PRDM10: variants seen among roughly 807,000 people sequenced by gnomAD.
The protein encoded by PRDM10 is PR/SET domain 10.
A neutral mutation model predicts 133.1 loss-of-function variants in PRDM10; 65 were observed. The ratio of observed to expected loss-of-function variants is 0.49; its 90% confidence interval spans 0.40 to 0.60. The LOEUF (loss-of-function observed/expected upper bound fraction) is 0.60. Among genes scored for constraint, PRDM10 ranks in the 20% least tolerant of loss-of-function variants. PRDM10 has a pLI of 0.00. For missense variants in PRDM10, 1,137 were observed against 1,507.1 expected, an observed-to-expected ratio of 0.75 and a Z score of 4.07; for synonymous variants, 582 against 580.4, an observed-to-expected ratio of 1.00 and a Z score of -0.04.
chr11:129,923,249 T>G lies in PRDM10; in HGVS notation c.2033A>C (p.Lys678Thr). Residue 678 changes from lysine to threonine, a missense_variant and splice_region_variant, in exon 13 of 21, where the codon AAG (lysine) becomes ACG (threonine). Coordinates refer to ENST00000360871, the MANE Select transcript of PRDM10 (RefSeq NM_199437.2). The surrounding 1 kb of genome is among the most constrained non-coding windows in gnomAD (Gnocchi z 4.4). ...TTGGGCTGTGCCTTGGTGTCATACCTTAAATTGCTTCCCACAGGTGGAACA... is the reference window on the plus strand; with the variant it reads ...TTGGGCTGTGCCTTGGTGTCATACCGTAAATTGCTTCCCACAGGTGGAACA... ...FLCSTCGKQF[K>T]RKDKLREHMQ... is the part of the protein sequence containing the mutation. 6.3e-7 allele frequency: 1 copy of G among 1,577,232 alleles called. No homozygotes were observed. The highest frequency in any genetic ancestry group is 8.6e-7 in the Non-Finnish European group (1 of 1,160,162).
rs1396995256 is a variant in PRDM10 at position 129,946,694 on chromosome 11, G to GCA, written c.520+450_520+451insTG. Reference sequence around the variant, plus strand: ...TAGGGCCATGGAGGGCATAAAGGAGGTAGTAGACTCAGGGCACTCACGCCT... The same window carrying GCA: ...TAGGGCCATGGAGGGCATAAAGGAGGCATAGTAGACTCAGGGCACTCACGCCT... On this transcript the variant is annotated intron_variant, in intron 5 of 20. Transcript: ENST00000360871. Among the ~76,000 whole-genome samples the GCA allele has an allele frequency of 1.8e-4, 27 of 152,310 alleles. No individual in the cohort carries two copies. In the East Asian group the frequency reaches 5.0e-3, roughly 28 times the overall value.
chr11:130,000,022 T>C (rs1338424285), intron 1 of PRDM10, among the ~76,000 whole-genome samples: 2 of 152,006 alleles, frequency 1.3e-5, no homozygotes, highest in Non-Finnish European at 2.9e-5. Context: ...TGGGTTTTGT[T>C]TTTTTTCACT....
At chr11:129,958,819 T>G (rs1329339455) in intron 2 of PRDM10, among the ~76,000 whole-genome samples, 2 of 152,200 alleles carry the variant, frequency 1.3e-5, no homozygotes, top group African/African-American at 4.8e-5. Context: ...TTTAGGGGGT[T>G]CTGGACAACT....
intron 17 of PRDM10, among the ~76,000 whole-genome samples, chr11:129,912,562 T>C (rs968560143): frequency 1.3e-5 from 2 of 150,892 alleles, no homozygotes; most frequent in South Asian, 4.2e-4. Context: ...CCGTCCTGGC[T>C]AACATGGTGA....
intron 15 of PRDM10, 66 bp downstream of exon 15, chr11:129,917,061 A>G (rs1345089389): frequency 1.9e-5 from 22 of 1,151,048 alleles, no homozygotes; most frequent in Non-Finnish European, 2.4e-5. Context: ...ATATTTATAA[A>G]TACGGACAAG....
intron 19 of PRDM10, among the ~76,000 whole-genome samples, 187 bp from the exon 20 acceptor site, chr11:129,905,928 C>T (rs1950002579): frequency 6.6e-6 from 1 of 152,168 alleles, no homozygotes; most frequent in South Asian, 2.1e-4. Flanking sequence ...TACGCAGATA[C>T]CCAGTGTCAG....
intron 1 of PRDM10, among the ~76,000 whole-genome samples, chr11:129,979,607 G>A (rs150655860): frequency 1.6e-4 from 25 of 152,260 alleles, no homozygotes; most frequent in South Asian, 6.2e-4. Context: ...TGAAAACCCC[G>A]CTCTTCTATC....
At chr11:129,967,006 A>G (rs1445216818) in intron 1 of PRDM10, among the ~76,000 whole-genome samples, 2 of 152,220 alleles carry the variant, frequency 1.3e-5, no homozygotes, top group Non-Finnish European at 2.9e-5. Flanking sequence ...CCTCTTTTGT[A>G]TGCCAAAGAG....
intron 7 of PRDM10, among the ~76,000 whole-genome samples, chr11:129,940,283 T>C (rs892362615): frequency 3.3e-5 from 5 of 152,314 alleles, no homozygotes; most frequent in Middle Eastern, 3.4e-3. Context: ...CCTAAAATCA[T>C]TGGTATCAGG....
intron 1 of PRDM10, among the ~76,000 whole-genome samples, chr11:129,991,419 C>G (rs755193164): frequency 1.3e-5 from 2 of 152,324 alleles, no homozygotes; most frequent in South Asian, 4.1e-4. Context: ...CGCAGTGGCT[C>G]ACACCTGTAA....
rs1409826031 is a variant in PRDM10 at position 129,923,683 on chromosome 11, AGAGAGAGAGAGT to A, written c.1879-292_1879-281del. Among the ~76,000 whole-genome samples the A allele has an allele frequency of 1.4e-4, 21 of 148,430 alleles. No homozygotes were observed. The highest frequency in any genetic ancestry group is 3.0e-4 in the African/African-American group (12 of 40,610). ...GAGAGAGAGAGAGAGAGAGAGAGAG[AGAGAGAGAGAGT>A]GCTTGCTTGGTCAAAGCCCTGATCA... On this transcript the variant is annotated intron_variant, in intron 12 of 20. Transcript: ENST00000360871. This position sits in a 1 kb window ranked among gnomAD's most constrained non-coding sequence, Gnocchi z 4.4.
intron 2 of PRDM10, among the ~76,000 whole-genome samples, chr11:129,958,795 T>G (rs1341789708): frequency 6.6e-6 from 1 of 152,170 alleles, no homozygotes; most frequent in African/African-American, 2.4e-5. Flanking sequence ...CACAGAAAAT[T>G]CTAATAAAGT....
intron 9 of PRDM10, among the ~76,000 whole-genome samples, chr11:129,934,741 A>G (rs553832060): frequency 3.3e-5 from 5 of 152,242 alleles, no homozygotes; most frequent in Non-Finnish European, 7.3e-5. Flanking sequence ...AATTAAACAT[A>G]TGACTTGGTT....
intron 16 of PRDM10, 109 bp from the exon 17 acceptor site, chr11:129,915,127 A>G: frequency 1.7e-6 from 2 of 1,172,724 alleles, no homozygotes; most frequent in Non-Finnish European, 2.4e-6. Flanking sequence ...GTCTTAAAAA[A>G]AGAAAAATCA....
chr11:129,909,074 G>T (rs956718674), intron 19 of PRDM10, among the ~76,000 whole-genome samples: 1 of 152,080 alleles, frequency 6.6e-6, no homozygotes, highest in Non-Finnish European at 1.5e-5. Flanking sequence ...ACAGAGGTCA[G>T]TCTATTCACC....
chr11:129,989,550 A>G (rs1339042975), intron 1 of PRDM10, among the ~76,000 whole-genome samples: 1 of 152,120 alleles, frequency 6.6e-6, no homozygotes. Flanking sequence ...GGAGACTTTC[A>G]GGTGGGTCTT....
At chr11:129,958,126 A>G (rs1356610988) in intron 2 of PRDM10, among the ~76,000 whole-genome samples, 3 of 152,320 alleles carry the variant, frequency 2.0e-5, no homozygotes, top group East Asian at 3.9e-4. Context: ...TTTGCCTCAA[A>G]TGGCCAATGC....
At chr11:129,915,146 C>G in intron 16 of PRDM10, 128 bp from the exon 17 acceptor site, 1 of 921,702 alleles carries the variant, frequency 1.1e-6, no homozygotes, top group Non-Finnish European at 1.6e-6. Flanking sequence ...CAGAGCAACA[C>G]TGACTCTATG....
chr11:129,906,599 G>A (rs750732695), intron 19 of PRDM10, among the ~76,000 whole-genome samples: 20 of 152,192 alleles, frequency 1.3e-4, no homozygotes, highest in Non-Finnish European at 2.5e-4. Flanking sequence ...TGCCTTTCTT[G>A]TACAAACTGT....
Sources: gnomAD v4.1 joint callset for allele counts (sites outside exome capture counted in the v4.1 genomes callset) on GRCh38, gnomAD v4.1.1 for gene constraint, Gnocchi (gnomAD v3.1) non-coding constraint, MANE v1.5 for transcripts, NCBI Gene and HGNC (gene_info 2026-07-23, HGNC 2026-07-21) for gene names.